The following TTC29 variants were observed in gnomAD, a reference collection of about 807,000 sequenced individuals.
TTC29 encodes tetratricopeptide repeat protein 29.
A neutral mutation model predicts 58.1 loss-of-function variants in TTC29; 49 were observed. The observed-to-expected ratio is 0.84, with a 90% CI of 0.67 to 1.07. The LOEUF (loss-of-function observed/expected upper bound fraction) is 1.07, where lower values mean the gene tolerates loss of function less well. Ranked by LOEUF, TTC29 falls within the 50% of genes least tolerant of loss-of-function variation. The pLI is 0.00. For synonymous variants in TTC29, 209 were observed against 196.8 expected (o/e 1.06, Z -0.52); for missense variants, 582 against 555.6 (o/e 1.05, Z -0.48).
intron 11 of TTC29, among the ~76,000 whole-genome samples, chr4:146,781,499 A>G (rs551197103): frequency 6.6e-6 from 1 of 152,070 alleles, no homozygotes; most frequent in South Asian, 2.1e-4. Flanking sequence ...ATAATTTTAT[A>G]GTGTAAGATT....
chr4:146,734,148 T>C (rs1246342940), intron 11 of TTC29, among the ~76,000 whole-genome samples: 1 of 152,190 alleles, frequency 6.6e-6, no homozygotes, highest in South Asian at 2.1e-4. Flanking sequence ...TTCTATAATA[T>C]GATTGATTGC....
chr4:146,731,466 A>G (rs1319830268), intron 11 of TTC29, among the ~76,000 whole-genome samples: 2 of 152,124 alleles, frequency 1.3e-5, no homozygotes, highest in African/African-American at 4.8e-5. Flanking sequence ...GAAACATTCA[A>G]TTGTAAGAGT....
intron 11 of TTC29, among the ~76,000 whole-genome samples, chr4:146,753,100 C>G (rs1339639437): frequency 1.3e-5 from 2 of 152,182 alleles, no homozygotes; most frequent in Non-Finnish European, 2.9e-5. Flanking sequence ...AAACCACCAT[C>G]AGAGTGAACA....
chr4:146,728,481 C>G (rs1415146537), intron 11 of TTC29, among the ~76,000 whole-genome samples: 1 of 151,488 alleles, frequency 6.6e-6, no homozygotes, highest in African/African-American at 2.4e-5. Flanking sequence ...TCATATGGTA[C>G]ACTCCTTCCT....
chr4:146,905,331 T>C (rs1452530760), intron 5 of TTC29, among the ~76,000 whole-genome samples: 1 of 149,610 alleles, frequency 6.7e-6, no homozygotes, highest in Non-Finnish European at 1.5e-5. Flanking sequence ...AAAGTATATA[T>C]ATATATATAA....
At chr4:146,913,981 C>T (rs796078289) in intron 4 of TTC29, among the ~76,000 whole-genome samples, 9 of 152,218 alleles carry the variant, frequency 5.9e-5, no homozygotes, top group African/African-American at 1.9e-4. Context: ...TAGAACTATG[C>T]TGGTATCATC....
intron 11 of TTC29, among the ~76,000 whole-genome samples, chr4:146,761,731 T>C (rs1746921703): frequency 1.3e-5 from 2 of 150,196 alleles, no homozygotes; most frequent in Non-Finnish European, 3.0e-5. Flanking sequence ...TTTTTTAGTA[T>C]GGTGTAGTAT....
At chr4:146,779,518 A>C (rs1246280097) in intron 11 of TTC29, among the ~76,000 whole-genome samples, 18 of 152,338 alleles carry the variant, frequency 1.2e-4, no homozygotes, top group African/African-American at 4.1e-4. Flanking sequence ...ATTAATTGGA[A>C]TCTATTGGTA....
intron 11 of TTC29, among the ~76,000 whole-genome samples, chr4:146,764,390 G>A (rs1385587394): frequency 1.3e-5 from 2 of 152,006 alleles, no homozygotes. Context: ...CATTGTGGCG[G>A]TGGGGAGGAG....
At chr4:146,883,188 G>A (rs1731748721) in intron 6 of TTC29, among the ~76,000 whole-genome samples, 2 of 152,018 alleles carry the variant, frequency 1.3e-5, no homozygotes, top group South Asian at 4.1e-4. Context: ...CAGAGACCAG[G>A]TTTTGGCCAT....
intron 10 of TTC29, among the ~76,000 whole-genome samples, chr4:146,819,586 T>C (rs1751677459): frequency 6.6e-6 from 1 of 152,160 alleles, no homozygotes; most frequent in Admixed American, 6.5e-5. Flanking sequence ...AATTGGATAA[T>C]TTTATTTTGG....
At chr4:146,861,740 T>C (rs1359038244) in intron 8 of TTC29, among the ~76,000 whole-genome samples, 1 of 152,096 alleles carries the variant, frequency 6.6e-6, no homozygotes, top group Non-Finnish European at 1.5e-5. Context: ...AATAGAACTA[T>C]TATTGATTGG....
chr4:146,849,222 A>T (rs551750572), intron 8 of TTC29, among the ~76,000 whole-genome samples: 1 of 152,300 alleles, frequency 6.6e-6, no homozygotes, highest in South Asian at 2.1e-4. Flanking sequence ...CAGAACCTCG[A>T]AATATATATT....
At chr4:146,801,879 T>C (rs1049145751) in intron 11 of TTC29, among the ~76,000 whole-genome samples, 1 of 139,790 alleles carries the variant, frequency 7.2e-6, no homozygotes, top group Non-Finnish European at 1.5e-5. Flanking sequence ...CTCAGGAGGC[T>C]GAAGCAGGAG....
intron 11 of TTC29, among the ~76,000 whole-genome samples, chr4:146,802,973 G>A (rs1419064511): frequency 1.3e-5 from 2 of 151,768 alleles, no homozygotes; most frequent in African/African-American, 2.4e-5. Flanking sequence ...AAAAGCATGT[G>A]GCAAAAAAGT....
intron 11 of TTC29, among the ~76,000 whole-genome samples, chr4:146,713,580 C>T (rs555632392): frequency 1.3e-5 from 2 of 152,210 alleles, no homozygotes; most frequent in Admixed American, 6.5e-5. Context: ...AGGCAGGAGA[C>T]ACTTTCAAGT....
chr4:146,791,500 C>A (rs1561128528), intron 11 of TTC29, among the ~76,000 whole-genome samples: 1 of 152,160 alleles, frequency 6.6e-6, no homozygotes, highest in Non-Finnish European at 1.5e-5. Flanking sequence ...GTTCTGACTG[C>A]TCCACTGACC....
chr4:146,766,366 T>C (rs1431680544), intron 11 of TTC29, among the ~76,000 whole-genome samples: 1 of 152,098 alleles, frequency 6.6e-6, no homozygotes, highest in South Asian at 2.1e-4. Context: ...ATGATTTTCA[T>C]AGCTGTTTCT....
At chr4:146,818,569 A>G (rs1286960594) in intron 10 of TTC29, among the ~76,000 whole-genome samples, 1 of 152,104 alleles carries the variant, frequency 6.6e-6, no homozygotes, top group African/African-American at 2.4e-5. Context: ...TTTGACCCAG[A>G]TATCTCATTA....
Sources: gnomAD v4.1 joint callset for allele counts (sites outside exome capture counted in the v4.1 genomes callset) on GRCh38, gnomAD v4.1.1 for gene constraint, MANE v1.5 for transcripts, NCBI Gene and HGNC (gene_info 2026-07-23, HGNC 2026-07-21) for gene names.